The following DCTN3 variants were observed in gnomAD, a reference collection of about 807,000 sequenced individuals.
DCTN3 encodes the protein dynactin subunit 3, also known as dynactin 3 (p22).
In DCTN3, 25 loss-of-function variants were observed where a neutral mutation model predicts 28.4. That is an observed-to-expected ratio of 0.88 (90% CI 0.64 to 1.23). The LOEUF is 1.23. Ranked by LOEUF, DCTN3 falls within the 50% of genes most tolerant of loss-of-function variation. DCTN3 has a pLI of 0.00. For synonymous variants in DCTN3, 81 were observed against 91.4 expected (o/e 0.89, Z 0.65); for missense variants, 229 against 232.0 (o/e 0.99, Z 0.08).
intron 1 of DCTN3, among the ~76,000 whole-genome samples, chr9:34,619,374 A>G (rs981851603): frequency 6.6e-6 from 1 of 152,252 alleles, no homozygotes. Context: ...AGAGATATAC[A>G]TTTGAGACAT....
chr9:34,614,820 C>A, intron 4 of DCTN3, 52 bp from the exon 5 acceptor site: 5 of 1,605,364 alleles, frequency 3.1e-6, no homozygotes, highest in South Asian at 1.1e-5. Context: ...TCCCCCGGGA[C>A]TGCTCAATAG....
intron 1 of DCTN3, among the ~76,000 whole-genome samples, chr9:34,620,067 T>C (rs1820517182): frequency 6.6e-6 from 1 of 152,190 alleles, no homozygotes; most frequent in Non-Finnish European, 1.5e-5. Flanking sequence ...CTTCAGCTCT[T>C]ATTGAAACTC....
At chr9:34,620,248 CT>C (rs756588330) in intron 1 of DCTN3, 120 bp downstream of exon 1, 9 of 896,970 alleles carry the variant, frequency 1.0e-5, no homozygotes, top group Non-Finnish European at 1.6e-5. Flanking sequence ...GGTCCCGGAC[CT>C]TTGTTATTTC....
intron 4 of DCTN3, chr9:34,615,803 A>C: frequency 2.7e-6 from 1 of 368,372 alleles, no homozygotes; most frequent in Non-Finnish European, 5.0e-6. Flanking sequence ...CTTGGGAGGC[A>C]AGGTGGGAAG....
intron 1 of DCTN3, 39 bp downstream of exon 1, chr9:34,620,330 C>G (rs1248100575): frequency 6.3e-7 from 1 of 1,588,454 alleles, no homozygotes; most frequent in East Asian, 2.2e-5. Context: ...ACCGCTCTTG[C>G]TCTGCTCCAG....
At position 34,616,001 on chromosome 9, in the gene DCTN3, G is replaced by C; in HGVS notation, c.352+29C>G. 1.3e-6 allele frequency: 2 copies of C among 1,595,596 alleles called. No individual in the cohort carries two copies. Among genetic ancestry groups the C allele is most frequent in the Non-Finnish European group, 1.7e-6 (2 of 1,164,226 alleles). ...CCATCCACCTACCTCCCCAACCAGA[G>C]TAGTGAAGCTATAACCCCAGAGAGA... On this transcript the variant is annotated intron_variant, in intron 4 of 6. Coordinates refer to ENST00000259632, the MANE Select transcript of DCTN3 (RefSeq NM_007234.5). The surrounding 1 kb of genome is among the most constrained non-coding windows in gnomAD (Gnocchi z 4.7).
intron 1 of DCTN3, among the ~76,000 whole-genome samples, chr9:34,619,412 A>G (rs990428486): frequency 6.6e-6 from 1 of 152,250 alleles, no homozygotes; most frequent in East Asian, 1.9e-4. Flanking sequence ...AATTGACACC[A>G]TGGAAGCGAG....
Position 34,613,630 on chromosome 9 carries a change from T to TA in DCTN3, c.*151dup. 1 of 1,026,674 alleles carries TA rather than the reference T, an allele frequency of 9.7e-7. No homozygotes were observed. Among genetic ancestry groups the TA allele is most frequent in the Non-Finnish European group, 1.4e-6 (1 of 740,356 alleles). The allele number at this position is 1,026,674 out of a possible 1,614,324, so 63.6% of individuals were successfully genotyped here. The stretch of plus-strand genomic sequence containing the variant: ...GGTGTTGCAAATTGCAAACCTCAGG[T>TA]AACCTGACCTCCAACTTTAGAGCCC... On this transcript the variant is annotated 3_prime_UTR_variant, in exon 7 of 7. Transcript: ENST00000259632.
rs770102588 is a variant in DCTN3 at position 34,613,878 on chromosome 9, G to T, written c.472-7C>A. 2 of 1,614,142 alleles carry T rather than the reference G, an allele frequency of 1.2e-6. No individual in the cohort carries two copies. Among genetic ancestry groups the T allele is most frequent in the Non-Finnish European group, 1.7e-6 (2 of 1,180,036 alleles). On this transcript the variant is annotated splice_region_variant and splice_polypyrimidine_tract_variant and intron_variant, in intron 6 of 6. Transcript: ENST00000259632. Reference sequence around the variant, plus strand: ...GCTTGGAGAGAAGCATTGTCTGGTTGTAGGTCAAGGTGAGAATAGGAATCT... The same window carrying T: ...GCTTGGAGAGAAGCATTGTCTGGTTTTAGGTCAAGGTGAGAATAGGAATCT...
Position 34,613,884 on chromosome 9 carries a change from C to A in DCTN3, c.472-13G>T, listed in dbSNP as rs1199243754. ...AGAGAAGCATTGTCTGGTTGTAGGTCAAGGTGAGAATAGGAATCTGAGTGA... is the reference window on the plus strand; with the variant it reads ...AGAGAAGCATTGTCTGGTTGTAGGTAAAGGTGAGAATAGGAATCTGAGTGA... On this transcript the variant is annotated splice_polypyrimidine_tract_variant and intron_variant, in intron 6 of 6. Transcript: ENST00000259632. 3 of 1,613,988 alleles carry A rather than the reference C, an allele frequency of 1.9e-6. No homozygotes were observed. The highest frequency in any genetic ancestry group is 2.2e-5 in the South Asian group (2 of 90,904).
chr9:34,613,681 G>T lies in DCTN3; in HGVS notation c.*101C>A. ...AGAGTACAGAGAGGTGGGCCTTGAA[G>T]CCAATAAATACAAAGCTTCCTCTGC... On this transcript the variant is annotated 3_prime_UTR_variant, in exon 7 of 7. Transcript: ENST00000259632. 1 of 1,503,280 alleles carries T rather than the reference G, an allele frequency of 6.7e-7. No homozygotes were observed. Among genetic ancestry groups the T allele is most frequent in the Non-Finnish European group, 9.0e-7 (1 of 1,112,922 alleles). The allele number at this position is 1,503,280 out of a possible 1,614,324, so 93.1% of individuals were successfully genotyped here. A position where few individuals can be genotyped will look rare whatever the true frequency, so the allele number is the denominator to read the frequency against.
At chr9:34,618,082 G>A (rs983506689) in intron 2 of DCTN3, 111 bp from the exon 3 acceptor site, 3 of 1,046,140 alleles carry the variant, frequency 2.9e-6, no homozygotes. Context: ...ATGAGGAGCT[G>A]ATACCCAACA....
chr9:34,615,367 A>G (rs1179430336), intron 4 of DCTN3: 1 of 152,612 alleles, frequency 6.6e-6, no homozygotes, highest in African/African-American at 2.4e-5. Flanking sequence ...TGCTCTCAGC[A>G]GTGCAGCAGA....
intron 4 of DCTN3, 78 bp downstream of exon 4, chr9:34,615,952 G>A: frequency 1.7e-6 from 2 of 1,191,034 alleles, no homozygotes; most frequent in Non-Finnish European, 2.5e-6. Flanking sequence ...CACACAACCT[G>A]AAACACAGGA....
In DCTN3 at chr9:34,615,937, G is replaced by A. The variant is rs185852107; in HGVS notation, c.352+93C>T. ...AAAAGATAAGGAACAGACCCAACCC[G>A]AATCCACACAACCTGAAACACAGGA... On this transcript the variant is annotated intron_variant, in intron 4 of 6. Coordinates refer to ENST00000259632, the MANE Select transcript of DCTN3 (RefSeq NM_007234.5). 269 of 891,856 alleles carry A rather than the reference G, an allele frequency of 3.0e-4. 1 individual carries two copies. Among genetic ancestry groups the A allele is most frequent in the African/African-American group, 2.7e-3 (156 of 57,486 alleles). 55.2% of individuals were successfully genotyped at this position (891,856 alleles called of 1,614,324 possible). A position where few individuals can be genotyped will look rare whatever the true frequency, so the allele number is the denominator to read the frequency against.
chr9:34,618,901 G>C, intron 1 of DCTN3, 141 bp from the exon 2 acceptor site: 2 of 667,706 alleles, frequency 3.0e-6, no homozygotes, highest in East Asian at 5.4e-5. Context: ...TATTAAAGGA[G>C]ATGCAGCCCC....
chr9:34,614,990 A>G (rs1820391287), intron 4 of DCTN3: 4 of 567,122 alleles, frequency 7.1e-6, no homozygotes, highest in Non-Finnish European at 1.2e-5. Flanking sequence ...TCCCGAGGAG[A>G]AGACAAAACC....
In DCTN3 at chr9:34,617,955, C is replaced by A. The variant is rs770753091; in HGVS notation, c.198G>T (p.Lys66Asn). ...ILYKKIEDLI[K>N]YLDPEYIDRI... ...GGTCGATGTACTCAGGATCCAGGTA[C>A]TTGATCAGATCTTCAACTAGAAAAG... Residue 66 changes from lysine to asparagine, a missense_variant, in exon 3 of 7, where the codon AAG becomes AAT. By Grantham distance (94) the Lys-to-Asn change is moderately conservative. Transcript: ENST00000259632. 27 of 1,613,252 alleles carry A rather than the reference C, an allele frequency of 1.7e-5. No individual in the cohort carries two copies. The highest frequency in any genetic ancestry group is 1.0e-4 in the Admixed American group (6 of 59,972).
rs1003030642 is a variant in DCTN3, at chr9:34,614,845, G to A, written c.353-77C>T. 2.1e-5 allele frequency: 32 copies of A among 1,560,318 alleles called. No individual in the cohort carries two copies. In the African/African-American group the frequency reaches 3.5e-4, roughly 17 times the overall value. ...CTGCTCAATAGTCTATTAGGTCTTT[G>A]GCAGGATTAGAGTATTGAGTGGAGA... On this transcript the variant is annotated intron_variant, in intron 4 of 6. Transcript: ENST00000259632.
Sources: gnomAD v4.1 joint callset for allele counts (sites outside exome capture counted in the v4.1 genomes callset) on GRCh38, gnomAD v4.1.1 for gene constraint, Gnocchi (gnomAD v3.1) non-coding constraint, MANE v1.5 for transcripts, NCBI Gene and HGNC (gene_info 2026-07-23, HGNC 2026-07-21) for gene names.